PLCL2: variants seen among roughly 807,000 people sequenced by gnomAD.
PLCL2 encodes inactive phospholipase C-like protein 2.
Under a neutral mutation model 79.6 loss-of-function variants are expected in PLCL2, and 4 were observed. The ratio of observed to expected loss-of-function variants is 0.05; its 90% CI spans 0.02 to 0.11. The LOEUF (loss-of-function observed/expected upper bound fraction) is 0.11. Ranked by LOEUF, PLCL2 falls within the 10% of genes least tolerant of loss-of-function variation. PLCL2 has a pLI of 1.00. For missense variants in PLCL2, 895 were observed against 1,291.0 expected, an observed-to-expected ratio of 0.69 and a Z score of 4.70; for synonymous variants, 484 against 457.7, an observed-to-expected ratio of 1.06 and a Z score of -0.73.
At chr3:16,905,114 A>T (rs1391162584) in intron 1 of PLCL2, among the ~76,000 whole-genome samples, 1 of 152,108 alleles carries the variant, frequency 6.6e-6, no homozygotes, top group Non-Finnish European at 1.5e-5. Flanking sequence ...TTTTGTTGTG[A>T]CAGTCCCATT....
At chr3:17,049,908 A>C (rs2064821146) in intron 4 of PLCL2, among the ~76,000 whole-genome samples, 1 of 152,158 alleles carries the variant, frequency 6.6e-6, no homozygotes, top group South Asian at 2.1e-4. Flanking sequence ...ATACTGGAGG[A>C]ATCATATTAC....
At chr3:17,060,100 C>T (rs1559535525) in intron 4 of PLCL2, among the ~76,000 whole-genome samples, 1 of 151,996 alleles carries the variant, frequency 6.6e-6, no homozygotes, top group Non-Finnish European at 1.5e-5. Context: ...CATTATTCTT[C>T]GTATTATCCC....
chr3:16,904,487 C>G (rs1244071737), intron 1 of PLCL2, among the ~76,000 whole-genome samples: 1 of 152,086 alleles, frequency 6.6e-6, no homozygotes, highest in East Asian at 1.9e-4. Flanking sequence ...TTTGGTGGCT[C>G]TCAGCCCTTT....
At chr3:17,049,154 A>G (rs2064813537) in intron 4 of PLCL2, among the ~76,000 whole-genome samples, 1 of 152,170 alleles carries the variant, frequency 6.6e-6, no homozygotes, top group Admixed American at 6.5e-5. Context: ...CAGGATTGCT[A>G]TACAAAAGGC....
intron 5 of PLCL2, among the ~76,000 whole-genome samples, chr3:17,084,720 T>C (rs1056486576): frequency 3.9e-5 from 6 of 152,178 alleles, no homozygotes; most frequent in Non-Finnish European, 8.8e-5. Context: ...TTGACAAAAT[T>C]CAACTCCCAT....
At chr3:16,945,883 G>GGTTTA (rs2063595739) in intron 1 of PLCL2, among the ~76,000 whole-genome samples, 1 of 152,192 alleles carries the variant, frequency 6.6e-6, no homozygotes, top group Non-Finnish European at 1.5e-5. Flanking sequence ...ATCTTCTGCA[G>GGTTTA]GTTTATTCAC....
chr3:16,902,090 A>G (rs1696632126), intron 1 of PLCL2, among the ~76,000 whole-genome samples: 1 of 152,206 alleles, frequency 6.6e-6, no homozygotes, highest in Admixed American at 6.5e-5. Context: ...CCCCTCTAGC[A>G]TGCCCCCAGC....
At chr3:16,964,455 A>G (rs1349097061) in intron 1 of PLCL2, among the ~76,000 whole-genome samples, 5 of 152,080 alleles carry the variant, frequency 3.3e-5, no homozygotes, top group African/African-American at 4.8e-5. Flanking sequence ...AGTCTTTGCT[A>G]TTGTGAATAG....
chr3:16,929,087 C>G (rs369204456), intron 1 of PLCL2, among the ~76,000 whole-genome samples: 112,821 of 112,826 alleles, frequency 1, 56,408 homozygotes, highest in Middle Eastern at 1. Flanking sequence ...ACAGCCGCAG[C>G]ATAGAGAAGA....
chr3:16,908,781 G>A (rs1451180806), intron 1 of PLCL2, among the ~76,000 whole-genome samples: 1 of 152,128 alleles, frequency 6.6e-6, no homozygotes, highest in Non-Finnish European at 1.5e-5. Flanking sequence ...TACATTTTTG[G>A]TGCTGGGCTT....
intron 1 of PLCL2, among the ~76,000 whole-genome samples, chr3:16,945,834 C>T (rs999833543): frequency 5.3e-5 from 8 of 152,202 alleles, no homozygotes; most frequent in Admixed American, 6.5e-5. Context: ...AAGTAGAGAC[C>T]TTTCTGACCC....
intron 1 of PLCL2, among the ~76,000 whole-genome samples, chr3:16,924,609 G>A (rs1249048259): frequency 2.0e-5 from 3 of 152,096 alleles, no homozygotes; most frequent in African/African-American, 7.2e-5. Context: ...GCATGCACTC[G>A]GCCCTAGCAA....
At chr3:16,942,844 A>C (rs1386076467) in intron 1 of PLCL2, among the ~76,000 whole-genome samples, 2 of 152,308 alleles carry the variant, frequency 1.3e-5, no homozygotes, top group Admixed American at 1.3e-4. Context: ...ACCTCCACTT[A>C]ATACAGGAAA....
At chr3:16,935,121 C>T (rs1048451659) in intron 1 of PLCL2, among the ~76,000 whole-genome samples, 7 of 152,122 alleles carry the variant, frequency 4.6e-5, no homozygotes, top group African/African-American at 1.7e-4. Flanking sequence ...AAAATACATA[C>T]CTTTTCTTTA....
intron 1 of PLCL2, among the ~76,000 whole-genome samples, chr3:16,980,555 G>A (rs1308948461): frequency 2.0e-5 from 3 of 151,496 alleles, no homozygotes; most frequent in Non-Finnish European, 4.4e-5. Context: ...GGGCAGAGAC[G>A]CTCCTCACTT....
At chr3:17,061,637 A>T (rs1460385851) in intron 4 of PLCL2, among the ~76,000 whole-genome samples, 1 of 152,224 alleles carries the variant, frequency 6.6e-6, no homozygotes, top group African/African-American at 2.4e-5. Flanking sequence ...CATATAAAAA[A>T]TCCTAGCTGT....
At chr3:16,958,824 G>C (rs1423496929) in intron 1 of PLCL2, among the ~76,000 whole-genome samples, 2 of 152,178 alleles carry the variant, frequency 1.3e-5, no homozygotes, top group African/African-American at 4.8e-5. Context: ...ATGAAGGCTG[G>C]GTTTGCAGAA....
chr3:16,985,917 G>C (rs2064045050), intron 1 of PLCL2, among the ~76,000 whole-genome samples: 1 of 152,140 alleles, frequency 6.6e-6, no homozygotes, highest in East Asian at 1.9e-4. Context: ...GCCCCTTGGA[G>C]ATACCAGGAG....
At chr3:16,912,271 T>C (rs1696899902) in intron 1 of PLCL2, among the ~76,000 whole-genome samples, 1 of 152,166 alleles carries the variant, frequency 6.6e-6, no homozygotes, top group African/African-American at 2.4e-5. Context: ...TGTTTCAAAA[T>C]TTTATCAAGA....
Sources: allele counts gnomAD v4.1 joint callset (sites outside exome capture counted in the v4.1 genomes callset), GRCh38; gene constraint gnomAD v4.1.1; transcripts MANE v1.5; gene names NCBI Gene and HGNC (gene_info 2026-07-23, HGNC 2026-07-21).